CABIN1: variants seen among roughly 807,000 people sequenced by gnomAD.
CABIN1 encodes calcineurin binding protein 1, also known as calcineurin-binding protein cabin-1.
In CABIN1, 133 loss-of-function variants were observed where a neutral mutation model predicts 227.7. The ratio of observed to expected loss-of-function variants is 0.58; its 90% CI spans 0.51 to 0.67. The LOEUF (loss-of-function observed/expected upper bound fraction) is 0.67. Ranked by LOEUF, CABIN1 falls within the 30% of genes least tolerant of loss-of-function variation. The pLI is 0.00. For missense variants in CABIN1, 2,408 were observed against 2,852.5 expected (o/e 0.84, Z 3.55); for synonymous variants, 1,086 against 1,155.1 (o/e 0.94, Z 1.21).
At position 24,071,505 on chromosome 22, in the gene CABIN1, C is replaced by T. The variant is rs373042718; in HGVS notation, c.2475+463C>T. Among the ~76,000 whole-genome samples, 7 of 152,176 alleles carry T rather than the reference C, an allele frequency of 4.6e-5. No individual in the cohort carries two copies. The East Asian group carries it at 5.8e-4, about 13-fold the overall frequency. The stretch of plus-strand genomic sequence containing the variant: ...TCTGAAGCACTCTGGGCTCTCTCCT[C>T]AATTCCCGCTCAGGCCATCAGCAAG... On this transcript the variant is annotated intron_variant, in intron 17 of 36. Coordinates refer to ENST00000263119, the MANE Select transcript of CABIN1 (RefSeq NM_012295.4).
intron 19 of CABIN1, among the ~76,000 whole-genome samples, chr22:24,078,070 T>C (rs1409003778): frequency 6.6e-6 from 1 of 152,180 alleles, no homozygotes; most frequent in Non-Finnish European, 1.5e-5. Context: ...CCTGCCATGC[T>C]ATTCCTCAGC....
In CABIN1 at chr22:24,091,589, G is replaced by A. The variant is rs146818859; in HGVS notation, c.3532G>A (p.Gly1178Ser). The change falls in exon 24 of 37, where the codon GGC becomes AGC. Residue 1178 changes from glycine to serine, a missense_variant. Coordinates refer to ENST00000263119, the MANE Select transcript of CABIN1 (RefSeq NM_012295.4). ...TCTCATGATCTTCTTACAGATGGAGGGCCGGCGCGACAGCATGCTAGAGAC... is the reference window on the plus strand; with the variant it reads ...TCTCATGATCTTCTTACAGATGGAGAGCCGGCGCGACAGCATGCTAGAGAC... ...LPPELVQQMEGRRDSMLETAK... is the reference protein window; with the variant it reads ...LPPELVQQMESRRDSMLETAK... 3.8e-5 allele frequency: 62 copies of A among 1,614,048 alleles called. No individual in the cohort carries two copies. The highest frequency in any genetic ancestry group is 7.6e-6 in the Non-Finnish European group (9 of 1,180,040).
rs755262031 is a variant in CABIN1 at position 24,171,885 on chromosome 22, T to A, written c.5930T>A (p.Ile1977Asn). 5.0e-6 allele frequency: 8 copies of A among 1,614,084 alleles called. No homozygotes were observed. The highest frequency in any genetic ancestry group is 2.2e-5 in the East Asian group (1 of 44,870). Residue 1977 changes from isoleucine to asparagine, a missense_variant, in exon 34 of 37, where the codon ATC becomes AAC. Physicochemically the swap from Ile to Asn is moderately radical, Grantham distance 149. This residue lies in a region of CABIN1 where 714 missense variants were observed against 773.8 expected (regional missense o/e 0.92). Transcript: ENST00000263119. ...RPALAAATTI[I>N]TCPPSASAST... ...GCACTAGCTGCCGCCACAACTATTATCACCTGCCCTCCGTCAGCATCAGCT... is the reference window on the plus strand; with the variant it reads ...GCACTAGCTGCCGCCACAACTATTAACACCTGCCCTCCGTCAGCATCAGCT...
At chr22:24,111,881 GGGAAAGGCAT>G (rs1365855810) in intron 26 of CABIN1, among the ~76,000 whole-genome samples, 2 of 152,172 alleles carry the variant, frequency 1.3e-5, no homozygotes, top group Non-Finnish European at 2.9e-5. Flanking sequence ...TGCAATGTCT[GGGAAAGGCAT>G]TCGTCATCTC....
At chr22:24,163,464 C>T (rs921941303) in intron 29 of CABIN1, among the ~76,000 whole-genome samples, 6 of 152,166 alleles carry the variant, frequency 3.9e-5, no homozygotes, top group Admixed American at 1.3e-4. Context: ...GAATCCTATA[C>T]TGCAGCATGA....
intron 10 of CABIN1, among the ~76,000 whole-genome samples, chr22:24,057,509 C>G (rs893947873): frequency 6.6e-6 from 1 of 152,138 alleles, no homozygotes; most frequent in Admixed American, 6.6e-5. Context: ...CTTTTTTACT[C>G]CTTCGTTGTT....
chr22:24,088,705 T>TGCCC (rs1217052718), intron 23 of CABIN1, among the ~76,000 whole-genome samples: 1 of 152,220 alleles, frequency 6.6e-6, no homozygotes. Flanking sequence ...TCCCTCTGGC[T>TGCCC]GCCCCTACTA....
rs1162419100 is a variant in CABIN1, at chr22:24,106,786, G to A, written c.4118-6780G>A. On this transcript the variant is annotated intron_variant, in intron 26 of 36. Transcript: ENST00000263119. ...TGGAGGCTGGGGCACTGTCTGCCCA[G>A]GTAGATAGAGCCATTCTTTAAGAGC... Among the ~76,000 whole-genome samples the A allele has an allele frequency of 2.0e-5, 3 of 152,340 alleles. No homozygotes were observed. The East Asian group carries it at 5.8e-4, about 29-fold the overall frequency.
intron 26 of CABIN1, among the ~76,000 whole-genome samples, chr22:24,104,045 A>G (rs778481323): frequency 6.6e-6 from 1 of 152,240 alleles, no homozygotes; most frequent in African/African-American, 2.4e-5. Flanking sequence ...TACTGAGGTG[A>G]CTGGGGTGGA....
intron 1 of CABIN1, among the ~76,000 whole-genome samples, chr22:24,012,589 G>A (rs1006059441): frequency 6.6e-6 from 1 of 152,104 alleles, no homozygotes; most frequent in Non-Finnish European, 1.5e-5. Flanking sequence ...GTCTGAAGGT[G>A]TGCTACTCTT....
At chr22:24,041,064 G>A in intron 4 of CABIN1, 75 bp from the exon 5 acceptor site, 4 of 1,595,678 alleles carry the variant, frequency 2.5e-6, no homozygotes, top group Non-Finnish European at 2.6e-6. Flanking sequence ...GGCCAGCCTG[G>A]AAGCCAAGTA....
intron 26 of CABIN1, among the ~76,000 whole-genome samples, chr22:24,111,372 C>T (rs1037363693): frequency 1.3e-5 from 2 of 152,160 alleles, no homozygotes; most frequent in African/African-American, 2.4e-5. Flanking sequence ...AGCAGGCAGG[C>T]GAGCACTACC....
At chr22:24,147,398 TTCCTTCCCTCCACCTC>T (rs2045213425) in intron 29 of CABIN1, among the ~76,000 whole-genome samples, 1 of 144,140 alleles carries the variant, frequency 6.9e-6, no homozygotes, top group East Asian at 2.2e-4. Flanking sequence ...CCTCCCTTCC[TTCCTTCCCTCCACCTC>T]TCCTTCCCTC....
At chr22:24,162,929 C>T (rs138468984) in intron 29 of CABIN1, among the ~76,000 whole-genome samples, 2 of 152,298 alleles carry the variant, frequency 1.3e-5, no homozygotes, top group Non-Finnish European at 2.9e-5. Flanking sequence ...TTCAGCGGGA[C>T]GTACTGCTGC....
At chr22:24,139,592 T>TGTGC (rs2044628491) in intron 29 of CABIN1, among the ~76,000 whole-genome samples, 1 of 151,570 alleles carries the variant, frequency 6.6e-6, no homozygotes, top group Non-Finnish European at 1.5e-5. Context: ...TGTGCGTGTG[T>TGTGC]GCTTTTTAGC....
chr22:24,025,122 A>C (rs2035988483), intron 1 of CABIN1, among the ~76,000 whole-genome samples: 1 of 152,054 alleles, frequency 6.6e-6, no homozygotes, highest in Admixed American at 6.5e-5. Flanking sequence ...TTTGTTTAGA[A>C]TTGTACATTC....
rs2047158443 is a variant in CABIN1, at chr22:24,177,079, C to T, written c.6206-425C>T. On this transcript the variant is annotated intron_variant, in intron 35 of 36. Transcript: ENST00000263119. The surrounding 1 kb of genome is among the most constrained non-coding windows in gnomAD (Gnocchi z 4.4). The stretch of plus-strand genomic sequence containing the variant: ...TGAGGCGAAAGTGGATGCCCTGGGG[C>T]CAGCTCAGTGACCATGCCTGGCTGA... Among the ~76,000 whole-genome samples the T allele has an allele frequency of 6.6e-6, 1 of 152,218 alleles. No homozygotes were observed. The highest frequency in any genetic ancestry group is 2.4e-5 in the African/African-American group (1 of 41,458).
At chr22:24,053,199 T>A (rs1244360131) in intron 8 of CABIN1, among the ~76,000 whole-genome samples, 2 of 150,650 alleles carry the variant, frequency 1.3e-5, no homozygotes, top group Middle Eastern at 3.4e-3. Context: ...TGCCTCAGAC[T>A]CCCAAGTAGC....
In CABIN1 at chr22:24,085,053, C is replaced by G. The variant is rs149291554; in HGVS notation, c.3165C>G (p.Asn1055Lys). Residue 1055 changes from asparagine to lysine, a missense_variant, in exon 22 of 37, where the codon AAC (asparagine) becomes AAG (lysine). Physicochemically the swap from Asn to Lys is moderately conservative, Grantham distance 94 (BLOSUM62 0). Transcript: ENST00000263119. The stretch of plus-strand genomic sequence containing the variant: ...CTGACCCCTCCCCTCCAGTGGTGAA[C>G]GAGCTTTACTACCTCCTGGCTGATT... The part of the protein sequence containing the change: ...EGADPSPPVV[N>K]ELYYLLADYH... The G allele has an allele frequency of 1.2e-3, 1,903 of 1,614,196 alleles. 10 individuals are homozygous for G. Among genetic ancestry groups the G allele is most frequent in the South Asian group, 8.5e-3 (778 of 91,078 alleles).
Sources: gnomAD v4.1 joint callset for allele counts (sites outside exome capture counted in the v4.1 genomes callset) on GRCh38, gnomAD v4.1.1 for gene constraint, gnomAD v4.1.1 regional missense constraint, Gnocchi (gnomAD v3.1) non-coding constraint, MANE v1.5 for transcripts, NCBI Gene and HGNC (gene_info 2026-07-23, HGNC 2026-07-21) for gene names.